RGS17: variants seen among roughly 807,000 people sequenced by gnomAD.
RGS17 encodes the protein regulator of G protein signaling 17.
Under a neutral mutation model 25.5 loss-of-function variants are expected in RGS17, and 12 were observed. That is an observed-to-expected ratio of 0.47 (90% CI 0.30 to 0.76). The LOEUF (loss-of-function observed/expected upper bound fraction) is 0.76, where lower values mean the gene tolerates loss of function less well. Among genes scored for constraint, RGS17 ranks in the 30% least tolerant of loss-of-function variants. RGS17 has a pLI of 0.07. For missense variants in RGS17, 196 were observed against 242.2 expected, an observed-to-expected ratio of 0.81 and a Z score of 1.27; for synonymous variants, 71 against 76.9, an observed-to-expected ratio of 0.92 and a Z score of 0.40.
intron 1 of RGS17, among the ~76,000 whole-genome samples, chr6:153,062,334 C>A: frequency 6.6e-6 from 1 of 152,146 alleles, no homozygotes; most frequent in South Asian, 2.1e-4. Context: ...AAGGGAGGGA[C>A]AACACAACAA....
chr6:153,105,204 CA>C (rs1250087073), intron 1 of RGS17, among the ~76,000 whole-genome samples: 1 of 151,834 alleles, frequency 6.6e-6, no homozygotes, highest in African/African-American at 2.4e-5. Flanking sequence ...CTGTCCTAGG[CA>C]TCCCAAATAC....
intron 1 of RGS17, among the ~76,000 whole-genome samples, chr6:153,101,236 T>A (rs1777298971): frequency 6.6e-6 from 1 of 152,112 alleles, no homozygotes; most frequent in Admixed American, 6.5e-5. Context: ...AACTGCGGAG[T>A]CCACTTATAC....
Position 153,006,148 on chromosome 6 carries a change from G to A in RGS17, c.*5426C>T, listed in dbSNP as rs1305966473. The A allele has an allele frequency of 6.6e-6, 1 of 152,062 alleles. No homozygotes were observed. Among genetic ancestry groups the A allele is most frequent in the Non-Finnish European group, 1.5e-5 (1 of 68,014 alleles). 9.4% of individuals were successfully genotyped at this position (152,062 alleles called of 1,614,324 possible). A position where few individuals can be genotyped will look rare whatever the true frequency, so the allele number is the denominator to read the frequency against. ...TTGTATGCGTGAGCCACCGTGCCTGGCCCATTACCACCTTTTATTAAGTTT... is the reference window on the plus strand; with the variant it reads ...TTGTATGCGTGAGCCACCGTGCCTGACCCATTACCACCTTTTATTAAGTTT... On this transcript the variant is annotated 3_prime_UTR_variant, in exon 5 of 5. Coordinates refer to ENST00000206262, the MANE Select transcript of RGS17 (RefSeq NM_012419.5).
At chr6:153,126,074 C>T (rs1215966139) in intron 1 of RGS17, among the ~76,000 whole-genome samples, 1 of 152,200 alleles carries the variant, frequency 6.6e-6, no homozygotes, top group Admixed American at 6.5e-5. Context: ...GTGTAAATTT[C>T]ACCTAGAGCT....
chr6:153,086,554 G>C (rs766400981), intron 1 of RGS17, among the ~76,000 whole-genome samples: 4 of 152,160 alleles, frequency 2.6e-5, no homozygotes, highest in Middle Eastern at 3.2e-3. Flanking sequence ...ATCTTCTTTC[G>C]ATTCCATGTG....
At chr6:153,086,590 A>G (rs1777057097) in intron 1 of RGS17, among the ~76,000 whole-genome samples, 3 of 152,220 alleles carry the variant, frequency 2.0e-5, no homozygotes, top group African/African-American at 7.2e-5. Context: ...TACTATTGCT[A>G]ATAGCAGCAG....
intron 1 of RGS17, among the ~76,000 whole-genome samples, chr6:153,124,689 C>T (rs951431879): frequency 3.3e-5 from 5 of 152,180 alleles, no homozygotes; most frequent in Non-Finnish European, 5.9e-5. Context: ...GCTCTTTCCA[C>T]CAAATTACAT....
intron 2 of RGS17, among the ~76,000 whole-genome samples, chr6:153,040,838 A>G (rs1468971634): frequency 6.6e-6 from 1 of 152,012 alleles, no homozygotes; most frequent in Non-Finnish European, 1.5e-5. Context: ...TAGTTCAAGG[A>G]ACTTTAACTT....
intron 2 of RGS17, among the ~76,000 whole-genome samples, chr6:153,033,299 T>C (rs1562316172): frequency 2.0e-5 from 3 of 151,218 alleles, no homozygotes; most frequent in East Asian, 1.9e-4. Flanking sequence ...ATGGTGAAAA[T>C]AGAAATCTAC....
rs1321284242 is a variant in RGS17 at position 153,080,453 on chromosome 6, T to C, written c.-25-36410A>G. Among the ~76,000 whole-genome samples, 8 of 152,292 alleles carry C rather than the reference T, an allele frequency of 5.3e-5. No homozygotes were observed. In the South Asian group the frequency reaches 1.7e-3, roughly 32 times the overall value. ...TTCTGTTCCCTCCCCTTCAGTCTCA[T>C]TAGAGGTTTATCAGTTTTATTATTA... On this transcript the variant is annotated intron_variant, in intron 1 of 4. Coordinates refer to ENST00000206262, the MANE Select transcript of RGS17 (RefSeq NM_012419.5).
rs1198409374 is a variant in RGS17 at position 153,011,292 on chromosome 6, C to T, written c.*282G>A. On this transcript the variant is annotated 3_prime_UTR_variant, in exon 5 of 5. Transcript: ENST00000206262. ...TGCACATGCAGTCTCTGGAGATACA[C>T]GAGGAGACTGTTCATAGGACTACAA... 1.3e-5 allele frequency: 4 copies of T among 317,250 alleles called. No individual in the cohort carries two copies. The highest frequency in any genetic ancestry group is 2.2e-5 in the African/African-American group (1 of 45,650). The allele number at this position is 317,250 out of a possible 1,614,324, so 19.7% of individuals were successfully genotyped here. A position where few individuals can be genotyped will look rare whatever the true frequency, so the allele number is the denominator to read the frequency against.
At chr6:153,107,262 G>A (rs1584160449) in intron 1 of RGS17, among the ~76,000 whole-genome samples, 1 of 152,152 alleles carries the variant, frequency 6.6e-6, no homozygotes, top group East Asian at 2.0e-4. Flanking sequence ...GAACCCGGGA[G>A]GTGGAGCTTG....
chr6:153,054,902 T>C (rs927355959), intron 1 of RGS17, among the ~76,000 whole-genome samples: 9 of 152,282 alleles, frequency 5.9e-5, no homozygotes, highest in Admixed American at 3.9e-4. Flanking sequence ...TTCTGACTGA[T>C]AGAGAATTCT....
intron 4 of RGS17, among the ~76,000 whole-genome samples, chr6:153,014,418 G>C (rs1036001311): frequency 6.6e-6 from 1 of 152,194 alleles, no homozygotes; most frequent in Non-Finnish European, 1.5e-5. Context: ...GAGGAAATTA[G>C]TATTGTTTTC....
At chr6:153,012,897 ATCCAGTG>A (rs904235746) in intron 4 of RGS17, among the ~76,000 whole-genome samples, 1 of 152,150 alleles carries the variant, frequency 6.6e-6, no homozygotes, top group African/African-American at 2.4e-5. Flanking sequence ...CTCCTATTCC[ATCCAGTG>A]TCCCCAGGTT....
Position 153,024,294 on chromosome 6 carries a change from C to T in RGS17, c.412G>A (p.Glu138Lys). ...GGTGATAGTATAGAAATGTAATCTT[C>T]ATATATCATCCTAGCCTTTTCTTCA... ...VIEEKARMIYEDYISILSPKE... is the reference protein window; with the variant it reads ...VIEEKARMIYKDYISILSPKE... Residue 138 changes from glutamate to lysine, a missense_variant, in exon 4 of 5, where the codon GAA becomes AAA. By Grantham distance (56) the Glu-to-Lys change is moderately conservative (BLOSUM62 1). Coordinates refer to ENST00000206262, the MANE Select transcript of RGS17 (RefSeq NM_012419.5). 6.2e-7 allele frequency: 1 copy of T among 1,612,470 alleles called. No homozygotes were observed.
Position 153,011,368 on chromosome 6 carries a change from G to A in RGS17, c.*206C>T. Reference sequence around the variant, plus strand: ...AGTCTTGAATAAAACAAACAATTTGGCAATTCATTGTTTTGTGTGGTATTT... The same window carrying A: ...AGTCTTGAATAAAACAAACAATTTGACAATTCATTGTTTTGTGTGGTATTT... On this transcript the variant is annotated 3_prime_UTR_variant, in exon 5 of 5. Transcript: ENST00000206262. The A allele has an allele frequency of 1.9e-6, 1 of 538,454 alleles. No individual in the cohort carries two copies. 33.4% of individuals were successfully genotyped at this position (538,454 alleles called of 1,614,324 possible). A position where few individuals can be genotyped will look rare whatever the true frequency, so the allele number is the denominator to read the frequency against.
intron 1 of RGS17, among the ~76,000 whole-genome samples, chr6:153,073,391 C>T (rs1227865337): frequency 6.6e-6 from 1 of 152,086 alleles, no homozygotes; most frequent in Non-Finnish European, 1.5e-5. Flanking sequence ...CACAGACATG[C>T]CTTTGAAAAT....
At chr6:153,076,927 A>C (rs1360774175) in intron 1 of RGS17, among the ~76,000 whole-genome samples, 1 of 152,198 alleles carries the variant, frequency 6.6e-6, no homozygotes, top group Non-Finnish European at 1.5e-5. Context: ...GAGACTGAGA[A>C]CAAAACCTTT....
Sources: gnomAD v4.1 joint callset for allele counts (sites outside exome capture counted in the v4.1 genomes callset) on GRCh38, gnomAD v4.1.1 for gene constraint, MANE v1.5 for transcripts, NCBI Gene and HGNC (gene_info 2026-07-23, HGNC 2026-07-21) for gene names.